ESR1: variants seen among roughly 807,000 people sequenced by gnomAD.
The protein encoded by ESR1 is estrogen receptor 1.
A neutral mutation model predicts 52.7 loss-of-function variants in ESR1; 12 were observed. That is an observed-to-expected ratio of 0.23 (90% CI 0.15 to 0.37). ESR1 has a LOEUF of 0.37. Ranked by LOEUF, ESR1 falls within the 10% of genes least tolerant of loss-of-function variation. The pLI is 1.00. For synonymous variants in ESR1, 305 were observed against 316.8 expected (o/e 0.96, Z 0.39); for missense variants, 584 against 779.7 (o/e 0.75, Z 2.99).
At chr6:151,730,152 C>T (rs1782133293) in intron 2 of ESR1, among the ~76,000 whole-genome samples, 1 of 152,084 alleles carries the variant, frequency 6.6e-6, no homozygotes, top group Non-Finnish European at 1.5e-5. Flanking sequence ...GGGTGGGCTT[C>T]TGCTTAGTCC....
chr6:151,700,802 T>C (rs1416939262), intron 1 of ESR1, among the ~76,000 whole-genome samples: 1 of 152,016 alleles, frequency 6.6e-6, no homozygotes, highest in African/African-American at 2.4e-5. Flanking sequence ...CAACAAGTTT[T>C]TTTCCCCCAC....
intron 3 of ESR1, chr6:151,936,271 G>T (rs1446999233): frequency 6.6e-6 from 1 of 152,170 alleles, no homozygotes; most frequent in Non-Finnish European, 1.5e-5. Flanking sequence ...TTCATTCTAA[G>T]GCTTGGGGAG....
chr6:152,037,809 A>G (rs1228835274), intron 5 of ESR1, among the ~76,000 whole-genome samples: 1 of 152,214 alleles, frequency 6.6e-6, no homozygotes, highest in African/African-American at 2.4e-5. Flanking sequence ...AGTGGCCGGA[A>G]TCAAGACTCT....
At chr6:151,986,800 G>A (rs1357013793) in intron 4 of ESR1, among the ~76,000 whole-genome samples, 1 of 152,032 alleles carries the variant, frequency 6.6e-6, no homozygotes, top group East Asian at 1.9e-4. Context: ...TGACATCTTG[G>A]TATGAAAGTT....
At chr6:151,832,512 T>C (rs764473431) in intron 1 of ESR1, among the ~76,000 whole-genome samples, 1 of 152,252 alleles carries the variant, frequency 6.6e-6, no homozygotes, top group Non-Finnish European at 1.5e-5. Context: ...CATAGTGATA[T>C]TTAAAGCAGA....
chr6:151,695,107 T>C (rs983002337), intron 1 of ESR1, among the ~76,000 whole-genome samples: 3 of 152,194 alleles, frequency 2.0e-5, no homozygotes, highest in African/African-American at 7.2e-5. Flanking sequence ...GCTCTCTGAT[T>C]TCTTTTGAGA....
intron 1 of ESR1, among the ~76,000 whole-genome samples, chr6:151,840,045 A>G (rs1385988759): frequency 6.6e-6 from 1 of 152,218 alleles, no homozygotes; most frequent in Non-Finnish European, 1.5e-5. Flanking sequence ...ACTTCTGGCC[A>G]TGCGTATACT....
chr6:151,794,381 T>A (rs1328988325), intron 2 of ESR1, among the ~76,000 whole-genome samples: 1 of 152,210 alleles, frequency 6.6e-6, no homozygotes, highest in Admixed American at 6.5e-5. Context: ...GATAATTTTG[T>A]ATATAAAGGG....
intron 2 of ESR1, among the ~76,000 whole-genome samples, chr6:151,847,534 T>G (rs1785346954): frequency 6.9e-6 from 1 of 144,850 alleles, no homozygotes; most frequent in Non-Finnish European, 1.5e-5. Context: ...TGCATAAATG[T>G]CTTCTTTTGA....
At position 152,057,471 on chromosome 6, in the gene ESR1, A is replaced by T. The variant is rs566950738; in HGVS notation, c.1236-3520A>T. Among the ~76,000 whole-genome samples the T allele has an allele frequency of 7.2e-5, 11 of 152,294 alleles. No individual in the cohort carries two copies. In the South Asian group the frequency reaches 2.3e-3, roughly 32 times the overall value. ...ATTTTATTCTTAAGAATATATCAGG[A>T]TAAACTTCTTGTAGCCTCTAAACAG... On this transcript the variant is annotated intron_variant, in intron 5 of 7. Coordinates refer to ENST00000206249, the MANE Select transcript of ESR1 (RefSeq NM_000125.4).
chr6:151,664,557 C>T (rs1265421185), intron 1 of ESR1, among the ~76,000 whole-genome samples: 1 of 152,166 alleles, frequency 6.6e-6, no homozygotes, highest in Non-Finnish European at 1.5e-5. Context: ...GCCAGAATCC[C>T]TACTTTCCAG....
rs184405538 is a variant in ESR1 at position 152,122,185 on chromosome 6, C to T, written c.851-3081C>T. Reference sequence around the variant, plus strand: ...AACTTTGGAGGTCCTTACTCAATCTCCTTAGTGCTAAGGTTCAGAGTCTCA... The same window carrying T: ...AACTTTGGAGGTCCTTACTCAATCTTCTTAGTGCTAAGGTTCAGAGTCTCA... On this transcript the variant is annotated intron_variant, in intron 6 of 6. Transcript: ENST00000427531. 36 of 561,376 alleles carry T rather than the reference C, an allele frequency of 6.4e-5. No individual in the cohort carries two copies. In the East Asian group the frequency reaches 1.1e-3, roughly 18 times the overall value. The allele number at this position is 561,376 out of a possible 1,614,324, so 34.8% of individuals were successfully genotyped here.
chr6:152,086,532 A>G (rs953854669), intron 6 of ESR1, among the ~76,000 whole-genome samples: 2 of 151,460 alleles, frequency 1.3e-5, no homozygotes, highest in African/African-American at 4.9e-5. Flanking sequence ...TGCACATGTA[A>G]GATTTTTTTC....
chr6:151,970,455 T>C (rs74597676), intron 4 of ESR1, among the ~76,000 whole-genome samples: 11,325 of 152,202 alleles, frequency 0.074, 878 homozygotes, highest in African/African-American at 0.19. Flanking sequence ...GTCTTTCTGG[T>C]CTTCTAGAAG....
At chr6:152,018,047 C>T (rs1459064383) in intron 5 of ESR1, among the ~76,000 whole-genome samples, 6 of 152,142 alleles carry the variant, frequency 3.9e-5, no homozygotes, top group South Asian at 2.1e-4. Flanking sequence ...TCCATCACTC[C>T]TGCATCAGGA....
chr6:152,069,054 G>T (rs994443618), intron 6 of ESR1, among the ~76,000 whole-genome samples: 2 of 137,538 alleles, frequency 1.5e-5, no homozygotes, highest in African/African-American at 3.2e-5. Flanking sequence ...TTATTGAACC[G>T]CCAGGCTTGA....
chr6:151,880,340 A>G (rs1274112238), intron 2 of ESR1, among the ~76,000 whole-genome samples: 2 of 151,026 alleles, frequency 1.3e-5, no homozygotes, highest in African/African-American at 4.9e-5. Flanking sequence ...ACACCACCAT[A>G]CCCAGGTTTT....
intron 1 of ESR1, among the ~76,000 whole-genome samples, chr6:151,809,903 G>T (rs371344153): frequency 6.6e-6 from 1 of 151,784 alleles, no homozygotes; most frequent in Non-Finnish European, 1.5e-5. Context: ...AAAGTACAGC[G>T]ATTAAGTCTA....
chr6:151,781,802 C>CA (rs144480901), intron 2 of ESR1, among the ~76,000 whole-genome samples: 3,425 of 109,732 alleles, frequency 0.031, 72 homozygotes, highest in African/African-American at 0.082. Flanking sequence ...AAGTATTGTG[C>CA]ACAAAAAAAA....
Sources: gnomAD v4.1 joint callset for allele counts (sites outside exome capture counted in the v4.1 genomes callset) on GRCh38, gnomAD v4.1.1 for gene constraint, MANE v1.5 for transcripts, NCBI Gene and HGNC (gene_info 2026-07-23, HGNC 2026-07-21) for gene names.